Variants in PHOX2A observed in about 807,000 individuals in gnomAD.
PHOX2A encodes the protein paired mesoderm homeobox protein 2A.
Under a neutral mutation model 16.4 loss-of-function variants are expected in PHOX2A, and 10 were observed. The ratio of observed to expected loss-of-function variants is 0.61; its 90% confidence interval spans 0.38 to 1.04. The LOEUF (loss-of-function observed/expected upper bound fraction) is 1.04. PHOX2A is among the 50% of genes least tolerant of loss of function. PHOX2A has a pLI of 0.01. For missense variants in PHOX2A, 361 were observed against 419.4 expected (o/e 0.86, Z 1.22); for synonymous variants, 219 against 203.8 (o/e 1.07, Z -0.64).
intron 1 of PHOX2A, 29 bp from the exon 2 acceptor site, chr11:72,241,318 G>T (rs374500870): frequency 1.1e-5 from 13 of 1,208,314 alleles, no homozygotes; most frequent in South Asian, 2.8e-5. Context: ...GGGCCGGGGG[G>T]GGGGCAAAAA....
chr11:72,240,275 G>A (rs1255616355), intron 2 of PHOX2A, 77 bp from the exon 3 acceptor site: 2 of 1,506,794 alleles, frequency 1.3e-6, no homozygotes, highest in Non-Finnish European at 1.8e-6. Context: ...CAAGGCTCGA[G>A]TGAGATCCTG....
At chr11:72,241,316 G>GC (rs1949119112) in intron 1 of PHOX2A, 27 bp from the exon 2 acceptor site, 3 of 1,248,264 alleles carry the variant, frequency 2.4e-6, no homozygotes, top group East Asian at 2.5e-5. Flanking sequence ...GGGGGCCGGG[G>GC]GGGGGGCAAA....
In PHOX2A at chr11:72,239,647, A is replaced by G. The variant is rs1949096012; in HGVS notation, c.*102T>C. Reference sequence around the variant, plus strand: ...GTGAGACAGTAGGGAGTGGAGACGGATGGGGACTTCCAGGCGGGTGGCCAG... The same window carrying G: ...GTGAGACAGTAGGGAGTGGAGACGGGTGGGGACTTCCAGGCGGGTGGCCAG... On this transcript the variant is annotated 3_prime_UTR_variant, in exon 3 of 3. Transcript: ENST00000298231. The G allele has an allele frequency of 4.4e-6, 4 of 907,756 alleles. No individual in the cohort carries two copies. Among genetic ancestry groups the G allele is most frequent in the African/African-American group, 1.7e-5 (1 of 58,014 alleles). The allele number at this position is 907,756 out of a possible 1,614,324, so 56.2% of individuals were successfully genotyped here.
At position 72,241,303 on chromosome 11, in the gene PHOX2A, CA is replaced by C; in HGVS notation, c.218-15del. 1.0e-6 allele frequency: 1 copy of C among 997,394 alleles called. No individual in the cohort carries two copies. The highest frequency in any genetic ancestry group is 1.3e-6 in the Non-Finnish European group (1 of 797,554). The allele number at this position is 997,394 out of a possible 1,614,324, so 61.8% of individuals were successfully genotyped here. ...ACTTGTAGGGCACTGCGGGTGTGTG[CA>C]GGGGGGCCGGGGGGGGGGCAAAAAG... On this transcript the variant is annotated splice_polypyrimidine_tract_variant and intron_variant, in intron 1 of 2. Coordinates refer to ENST00000298231, the MANE Select transcript of PHOX2A (RefSeq NM_005169.4).
chr11:72,240,988 G>T (rs755981475), intron 2 of PHOX2A, 114 bp downstream of exon 2: 13 of 1,171,572 alleles, frequency 1.1e-5, no homozygotes, highest in Non-Finnish European at 1.6e-5. Flanking sequence ...CCCTGGGACC[G>T]CGCCCTGCCT....
chr11:72,243,834 G>A lies in PHOX2A; in HGVS notation c.171C>T (p.Cys57=), dbSNP rs1274194712. ...GGTGGTCGCGTAGGGCGCCAAGTGC[G>A]CAGTTGGAGGAGCCGAGCGCGGGGC... ...PPCPALGSSN[C]ALGALRDHQP... Residue 57 remains cysteine (C), a synonymous_variant, in exon 1 of 3, where the codon TGC becomes TGT. Coordinates refer to ENST00000298231, the MANE Select transcript of PHOX2A (RefSeq NM_005169.4). 6 of 1,252,748 alleles carry A rather than the reference G, an allele frequency of 4.8e-6. No individual in the cohort carries two copies. Among genetic ancestry groups the A allele is most frequent in the East Asian group, 3.1e-5 (1 of 31,756 alleles). The allele number at this position is 1,252,748 out of a possible 1,614,324, so 77.6% of individuals were successfully genotyped here.
intron 1 of PHOX2A, among the ~76,000 whole-genome samples, chr11:72,242,427 A>G (rs533482632): frequency 1.3e-5 from 2 of 152,094 alleles, no homozygotes; most frequent in South Asian, 4.2e-4. Flanking sequence ...CATTTCTCCT[A>G]GGATTTCCAG....
At chr11:72,241,312 C>CGGGGGGGGGGGGGGGGGGGGCG in intron 1 of PHOX2A, 23 bp from the exon 2 acceptor site, 1 of 399,388 alleles carries the variant, frequency 2.5e-6, no homozygotes, top group Non-Finnish European at 3.9e-6. Flanking sequence ...GCAGGGGGGC[C>CGGGGGGGGGGGGGGGGGGGGCG]GGGGGGGGGG....
intron 1 of PHOX2A, 107 bp from the exon 2 acceptor site, chr11:72,241,396 C>A (rs1044423090): frequency 1.9e-5 from 13 of 690,298 alleles, no homozygotes; most frequent in Admixed American, 1.1e-4. Flanking sequence ...ACGCCTCCCC[C>A]GTCCCTGGCC....
chr11:72,240,035 G>C lies in PHOX2A; in HGVS notation c.569C>G (p.Ala190Gly). 6.8e-7 allele frequency: 1 copy of C among 1,463,098 alleles called. No homozygotes were observed. The highest frequency in any genetic ancestry group is 9.0e-7 in the Non-Finnish European group (1 of 1,113,018). The allele number at this position is 1,463,098 out of a possible 1,614,324, so 90.6% of individuals were successfully genotyped here. Reference sequence around the variant, plus strand: ...GGGCGCAGGCGGCGGCGGCAGCGAGGCGGTGCTATCGGGCGTGGGGCTGCA... The same window carrying C: ...GGGCGCAGGCGGCGGCGGCAGCGAGCCGGTGCTATCGGGCGTGGGGCTGCA... Reference protein sequence around the residue: ...STCSPTPDSTASLPPPPAPGL... With the variant: ...STCSPTPDSTGSLPPPPAPGL... The change falls in exon 3 of 3, where the codon GCC becomes GGC. Residue 190 changes from alanine to glycine, a missense_variant. Ala to Gly is a moderately conservative substitution (Grantham distance 60). This residue lies in a region of PHOX2A where 55 missense variants were observed against 101.6 expected (regional missense o/e 0.54). Transcript: ENST00000298231.
chr11:72,241,161 C>G lies in PHOX2A; in HGVS notation c.346G>C (p.Asp116His). ...ERVFAETHYP[D>H]IYTREELALK... ...GCCAGCTCCTCACGCGTGTAAATGT[C>G]GGGGTAGTGGGTCTCAGCGAAAACG... Residue 116 changes from aspartate (D) to histidine (H), a missense_variant, in exon 2 of 3, where the codon GAC becomes CAC. Around this residue, in one of 3 missense-constraint regions of PHOX2A, gnomAD observed 235 missense variants for 263.8 expected, o/e 0.89. Coordinates refer to ENST00000298231, the MANE Select transcript of PHOX2A (RefSeq NM_005169.4). 1 of 1,614,036 alleles carries G rather than the reference C, an allele frequency of 6.2e-7. No homozygotes were observed. Among genetic ancestry groups the G allele is most frequent in the Non-Finnish European group, 8.5e-7 (1 of 1,180,032 alleles).
Position 72,243,796 on chromosome 11 carries a change from T to C in PHOX2A, c.209A>G (p.Tyr70Cys). ...GALRDHQPAPYSAVPYKFFPE... is the reference protein window; with the variant it reads ...GALRDHQPAPCSAVPYKFFPE... ...GCCGGGGCTGCGCTCACCTGCCGAG[T>C]AGGGCGCGGGCTGGTGGTCGCGTAG... The change falls in exon 1 of 3, where the codon TAC becomes TGC. Residue 70 changes from tyrosine to cysteine, a missense_variant. Physicochemically the swap from Tyr to Cys is radical, Grantham distance 194. Coordinates refer to ENST00000298231, the MANE Select transcript of PHOX2A (RefSeq NM_005169.4). 1 of 1,246,728 alleles carries C rather than the reference T, an allele frequency of 8.0e-7. No individual in the cohort carries two copies. Among genetic ancestry groups the C allele is most frequent in the African/African-American group, 1.6e-5 (1 of 64,414 alleles). The allele number at this position is 1,246,728 out of a possible 1,614,324, so 77.2% of individuals were successfully genotyped here.
At chr11:72,243,577 T>C (rs974362975) in intron 1 of PHOX2A, among the ~76,000 whole-genome samples, 1 of 152,060 alleles carries the variant, frequency 6.6e-6, no homozygotes, top group Non-Finnish European at 1.5e-5. Flanking sequence ...AGACAGAGAT[T>C]TGGCAACGAG....
At chr11:72,241,311 CCG>C in intron 1 of PHOX2A, 22 bp from the exon 2 acceptor site, 9 of 771,854 alleles carry the variant, frequency 1.2e-5, no homozygotes, top group Admixed American at 4.1e-5. Context: ...TGCAGGGGGG[CCG>C]GGGGGGGGGC....
At chr11:72,240,369 A>G (rs1949107045) in intron 2 of PHOX2A, among the ~76,000 whole-genome samples, 171 bp from the exon 3 acceptor site, 1 of 152,178 alleles carries the variant, frequency 6.6e-6, no homozygotes, top group African/African-American at 2.4e-5. Flanking sequence ...TCCGCGCTCC[A>G]CTGGCCCCTG....
intron 1 of PHOX2A, among the ~76,000 whole-genome samples, chr11:72,243,084 T>C (rs898946556): frequency 5.9e-5 from 9 of 151,978 alleles, no homozygotes; most frequent in Non-Finnish European, 8.8e-5. Context: ...AGAAGCTCAG[T>C]GAGGTTGAGG....
chr11:72,244,049 G>T lies in PHOX2A; in HGVS notation c.-45C>A. Reference sequence around the variant, plus strand: ...GGGGGCCGGGCCAGGCCGGGTCGGGGTCGGGGTCCGGGTGGAGGTCGGAAG... The same window carrying T: ...GGGGGCCGGGCCAGGCCGGGTCGGGTTCGGGGTCCGGGTGGAGGTCGGAAG... On this transcript the variant is annotated 5_prime_UTR_variant, in exon 1 of 3. Coordinates refer to ENST00000298231, the MANE Select transcript of PHOX2A (RefSeq NM_005169.4). 1.0e-6 allele frequency: 1 copy of T among 1,000,730 alleles called. No individual in the cohort carries two copies. Among genetic ancestry groups the T allele is most frequent in the Non-Finnish European group, 1.3e-6 (1 of 769,046 alleles). The allele number at this position is 1,000,730 out of a possible 1,614,324, so 62.0% of individuals were successfully genotyped here. A position where few individuals can be genotyped will look rare whatever the true frequency, so the allele number is the denominator to read the frequency against.
Position 72,239,346 on chromosome 11 carries a change from C to T in PHOX2A, c.*403G>A, listed in dbSNP as rs80340347. ...CGGGTGGGCCCGAGGGGTGGGGCAG[C>T]GGGCTTTCCTGATCACCAGCGTAAG... On this transcript the variant is annotated 3_prime_UTR_variant, in exon 3 of 3. Coordinates refer to ENST00000298231, the MANE Select transcript of PHOX2A (RefSeq NM_005169.4). The T allele has an allele frequency of 7.3e-3, 1,181 of 161,166 alleles. 15 individuals carry two copies. The highest frequency in any genetic ancestry group is 0.027 in the African/African-American group (1,130 of 41,856). The allele number at this position is 161,166 out of a possible 1,614,324, so 10.0% of individuals were successfully genotyped here.
Position 72,244,052 on chromosome 11 carries a change from G to T in PHOX2A, c.-48C>A. Reference sequence around the variant, plus strand: ...GGCCGGGCCAGGCCGGGTCGGGGTCGGGGTCCGGGTGGAGGTCGGAAGGGA... The same window carrying T: ...GGCCGGGCCAGGCCGGGTCGGGGTCTGGGTCCGGGTGGAGGTCGGAAGGGA... On this transcript the variant is annotated 5_prime_UTR_variant, in exon 1 of 3. Coordinates refer to ENST00000298231, the MANE Select transcript of PHOX2A (RefSeq NM_005169.4). 1.0e-6 allele frequency: 1 copy of T among 970,596 alleles called. No homozygotes were observed. Among genetic ancestry groups the T allele is most frequent in the Non-Finnish European group, 1.3e-6 (1 of 741,986 alleles). The allele number at this position is 970,596 out of a possible 1,614,324, so 60.1% of individuals were successfully genotyped here.
Sources: allele counts gnomAD v4.1 joint callset (sites outside exome capture counted in the v4.1 genomes callset), GRCh38; gene constraint gnomAD v4.1.1; regional missense constraint gnomAD v4.1.1; transcripts MANE v1.5; gene names NCBI Gene and HGNC (gene_info 2026-07-23, HGNC 2026-07-21).